MTMR3: variants seen among roughly 807,000 people sequenced by gnomAD.
The protein encoded by MTMR3 is myotubularin related protein 3.
In MTMR3, 32 loss-of-function variants were observed where a neutral mutation model predicts 132.4. That is an observed-to-expected ratio of 0.24 (90% CI 0.18 to 0.32). The LOEUF is 0.32. MTMR3 is among the 10% of genes least tolerant of loss of function. MTMR3 has a pLI of 1.00. For synonymous variants in MTMR3, 556 were observed against 550.3 expected, an observed-to-expected ratio of 1.01 and a Z score of -0.14; for missense variants, 1,216 against 1,489.6, an observed-to-expected ratio of 0.82 and a Z score of 3.02.
chr22:29,959,559 A>G (rs1173743701), intron 2 of MTMR3, among the ~76,000 whole-genome samples: 4 of 151,670 alleles, frequency 2.6e-5, no homozygotes, highest in African/African-American at 7.3e-5. Flanking sequence ...TTGTGTTTTT[A>G]GTAGAGACGG....
chr22:30,005,846 GC>G (rs1264315580), intron 9 of MTMR3: 18 of 152,180 alleles, frequency 1.2e-4, no homozygotes, highest in Admixed American at 1.2e-3. Context: ...AATGGATGAA[GC>G]CCCTGCTAGT....
rs772742014 is a variant in MTMR3, at chr22:30,020,727, A to T, written c.3068A>T (p.Tyr1023Phe). 5.6e-6 allele frequency: 9 copies of T among 1,614,236 alleles called. No individual in the cohort carries two copies. Among genetic ancestry groups the T allele is most frequent in the South Asian group, 2.2e-5 (2 of 91,086 alleles). Residue 1023 changes from tyrosine to phenylalanine, a missense_variant, in exon 17 of 20, where the codon TAC becomes TTC. Physicochemically the swap from Tyr to Phe is conservative, Grantham distance 22. Coordinates refer to ENST00000401950, the MANE Select transcript of MTMR3 (RefSeq NM_021090.4). ...SHLDDDGMSV[Y>F]TDTIQQRLRQ... ...CTGGACGATGATGGCATGTCAGTGT[A>T]CACAGACACGATCCAACAGCGCCTG... is the stretch of plus-strand genomic sequence containing the variant.
At chr22:30,012,587 G>A (rs758996010) in intron 13 of MTMR3, 24 bp downstream of exon 13, 2 of 1,570,296 alleles carry the variant, frequency 1.3e-6, no homozygotes, top group South Asian at 2.3e-5. Flanking sequence ...AATGGGAGGG[G>A]TTGGTACTTC....
intron 2 of MTMR3, among the ~76,000 whole-genome samples, chr22:29,962,281 T>A (rs1321074892): frequency 6.6e-6 from 1 of 152,178 alleles, no homozygotes; most frequent in African/African-American, 2.4e-5. Context: ...ACTATACAAT[T>A]CACCCATTTA....
chr22:29,987,777 A>C (rs1345448306), intron 5 of MTMR3: 1 of 152,226 alleles, frequency 6.6e-6, no homozygotes, highest in Non-Finnish European at 1.5e-5. Flanking sequence ...TTCAAACCTC[A>C]AGCCCCATTT....
At chr22:30,018,833 GTAATA>G (rs2067668703) in intron 16 of MTMR3, 1 of 152,136 alleles carries the variant, frequency 6.6e-6, no homozygotes, top group Non-Finnish European at 1.5e-5. Flanking sequence ...TTAAAATACT[GTAATA>G]TCAAGAAACA....
intron 1 of MTMR3, among the ~76,000 whole-genome samples, chr22:29,938,477 C>T (rs1020843521): frequency 1.3e-5 from 2 of 152,240 alleles, no homozygotes; most frequent in Admixed American, 1.3e-4. Flanking sequence ...TTCCCCCAGC[C>T]CGCTGGTATT....
chr22:29,938,112 G>A (rs1057104777), intron 1 of MTMR3, among the ~76,000 whole-genome samples: 2 of 152,136 alleles, frequency 1.3e-5, no homozygotes, highest in African/African-American at 2.4e-5. Context: ...CTCATTATAT[G>A]CTCATTAACA....
At chr22:29,912,144 T>C (rs544452024) in intron 1 of MTMR3, among the ~76,000 whole-genome samples, 1 of 152,330 alleles carries the variant, frequency 6.6e-6, no homozygotes, top group South Asian at 2.1e-4. Flanking sequence ...GTGGATTAAA[T>C]GTTAGACTTC....
At chr22:29,990,469 T>C (rs2066940104) in intron 6 of MTMR3, 1 of 152,236 alleles carries the variant, frequency 6.6e-6, no homozygotes, top group South Asian at 2.1e-4. Flanking sequence ...ATTTGGCTTA[T>C]TTTTGATAGA....
chr22:29,896,029 G>A (rs1353967954), intron 1 of MTMR3, among the ~76,000 whole-genome samples: 2 of 152,166 alleles, frequency 1.3e-5, no homozygotes, highest in African/African-American at 4.8e-5. Flanking sequence ...TCACCTTTTG[G>A]CTGGGCGTGG....
At chr22:29,990,223 G>A (rs1388229254) in intron 6 of MTMR3, 2 of 152,222 alleles carry the variant, frequency 1.3e-5, no homozygotes, top group African/African-American at 4.8e-5. Context: ...GACAGAACAA[G>A]ACTCCATCTG....
chr22:29,900,543 A>G (rs2064985374), intron 1 of MTMR3, among the ~76,000 whole-genome samples: 1 of 152,158 alleles, frequency 6.6e-6, no homozygotes, highest in Non-Finnish European at 1.5e-5. Flanking sequence ...GGCTTAGTTA[A>G]CTATGCCAGG....
At chr22:29,892,827 A>G (rs2064825573) in intron 1 of MTMR3, among the ~76,000 whole-genome samples, 1 of 152,256 alleles carries the variant, frequency 6.6e-6, no homozygotes, top group Admixed American at 6.5e-5. Context: ...TGATTGCTAT[A>G]TACAGTGCTT....
chr22:29,931,366 G>A (rs1485153382), intron 1 of MTMR3, among the ~76,000 whole-genome samples: 4 of 152,166 alleles, frequency 2.6e-5, no homozygotes, highest in Non-Finnish European at 5.9e-5. Flanking sequence ...GAACAAAGGA[G>A]GACAACATCC....
intron 10 of MTMR3, chr22:30,007,680 G>C: frequency 1.7e-6 from 1 of 588,778 alleles, no homozygotes; most frequent in Non-Finnish European, 3.0e-6. Context: ...TGAACCCCAT[G>C]TGTACTCTGG....
intron 1 of MTMR3, among the ~76,000 whole-genome samples, chr22:29,955,681 C>T (rs1047843491): frequency 4.6e-5 from 7 of 152,140 alleles, no homozygotes; most frequent in Non-Finnish European, 8.8e-5. Context: ...ATGGTTAAGA[C>T]ACTTCATTGT....
At chr22:29,911,839 T>G (rs2065219183) in intron 1 of MTMR3, among the ~76,000 whole-genome samples, 1 of 152,174 alleles carries the variant, frequency 6.6e-6, no homozygotes, top group South Asian at 2.1e-4. Flanking sequence ...AATTAATCAG[T>G]ATTCCTTTCC....
intron 11 of MTMR3, chr22:30,008,594 T>G: frequency 6.0e-6 from 1 of 166,254 alleles, no homozygotes; most frequent in Non-Finnish European, 1.3e-5. Context: ...TTTGTTCAGA[T>G]GTGGTCTAAG....
Sources: gnomAD v4.1 joint callset for allele counts (sites outside exome capture counted in the v4.1 genomes callset) on GRCh38, gnomAD v4.1.1 for gene constraint, MANE v1.5 for transcripts, NCBI Gene and HGNC (gene_info 2026-07-23, HGNC 2026-07-21) for gene names.